The following NCKAP1L variants were observed in gnomAD, a reference collection of about 807,000 sequenced individuals.
NCKAP1L encodes NCK associated protein 1 like.
A neutral mutation model predicts 139.2 loss-of-function variants in NCKAP1L; 53 were observed. The observed-to-expected ratio is 0.38, with a 90% CI of 0.31 to 0.48. The LOEUF (loss-of-function observed/expected upper bound fraction) is 0.48. Among genes scored for constraint, NCKAP1L ranks in the 20% least tolerant of loss-of-function variants. The pLI, the probability that NCKAP1L is intolerant of heterozygous loss-of-function variation, is 0.98. For missense variants in NCKAP1L, 1,151 were observed against 1,381.9 expected (o/e 0.83, Z 2.65); for synonymous variants, 468 against 499.7 (o/e 0.94, Z 0.85).
intron 7 of NCKAP1L, 51 bp downstream of exon 7, chr12:54,510,036 A>T: frequency 6.2e-7 from 1 of 1,606,704 alleles, no homozygotes; most frequent in Non-Finnish European, 8.5e-7. Flanking sequence ...TGCCAAGGCC[A>T]TCATCTCTGT....
intron 13 of NCKAP1L, 89 bp from the exon 14 acceptor site, chr12:54,518,562 A>G: frequency 1.0e-6 from 1 of 1,001,874 alleles, no homozygotes; most frequent in Non-Finnish European, 1.6e-6. Context: ...AATTCTTTCT[A>G]CCTTCATACG....
chr12:54,500,690 G>A (rs1565671043), intron 3 of NCKAP1L, 65 bp downstream of exon 3: 2 of 1,024,810 alleles, frequency 2.0e-6, no homozygotes, highest in Non-Finnish European at 3.1e-6. Flanking sequence ...TTCTTTAGAT[G>A]TTCATGTATT....
At chr12:54,517,173 A>G (rs1452017104) in intron 11 of NCKAP1L, among the ~76,000 whole-genome samples, 181 bp downstream of exon 11, 1 of 152,190 alleles carries the variant, frequency 6.6e-6, no homozygotes, top group Non-Finnish European at 1.5e-5. Context: ...TTTTGGCACT[A>G]TACGTAGTAT....
intron 25 of NCKAP1L, 80 bp from the exon 26 acceptor site, chr12:54,532,087 CTTT>C (rs35753004): frequency 0.015 from 12,724 of 872,764 alleles, 3 homozygotes; most frequent in Middle Eastern, 0.022. Flanking sequence ...AGTGCCCCTC[CTTT>C]TTTTTTTTTT....
At chr12:54,512,266 A>G (rs1365859213) in intron 9 of NCKAP1L, 161 bp downstream of exon 9, 4 of 696,160 alleles carry the variant, frequency 5.7e-6, no homozygotes, top group Non-Finnish European at 9.1e-6. Context: ...TAAGTGCTTC[A>G]CTGGGTTTTA....
chr12:54,501,733 T>C (rs1298633853), intron 3 of NCKAP1L, among the ~76,000 whole-genome samples: 2 of 152,166 alleles, frequency 1.3e-5, no homozygotes, highest in Non-Finnish European at 2.9e-5. Context: ...CTCAAACTCC[T>C]GGGCTCAAGC....
rs746037150 is a variant in NCKAP1L at position 54,538,983 on chromosome 12, T to G, written c.3273+10T>G. On this transcript the variant is annotated intron_variant, in intron 30 of 30. Coordinates refer to ENST00000293373, the MANE Select transcript of NCKAP1L (RefSeq NM_005337.5). ...TCTGCTCATGCGCTTGGTAAGTACC[T>G]TATTTAAATTGGTGTGAGAATAGGG... 6.8e-6 allele frequency: 11 copies of G among 1,611,050 alleles called. No homozygotes were observed. Among genetic ancestry groups the G allele is most frequent in the Non-Finnish European group, 9.3e-6 (11 of 1,177,462 alleles).
At chr12:54,500,721 A>G (rs1056920016) in intron 3 of NCKAP1L, 96 bp downstream of exon 3, 1 of 814,566 alleles carries the variant, frequency 1.2e-6, no homozygotes, top group African/African-American at 1.7e-5. Flanking sequence ...AAGTTCTTGA[A>G]AAAATGAGAG....
At position 54,512,105 on chromosome 12, in the gene NCKAP1L, G is replaced by A. The variant is rs1956893782; in HGVS notation, c.941G>A (p.Gly314Glu). ...VTEDLFSSLK[G>E]YGKRVADIKE... ...GAGGACCTGTTTAGCAGTTTGAAAG[G>A]GTGAGAGACACGAGAGCCAAACTGA... The change falls in exon 9 of 31, where the codon GGG (glycine) becomes GAG (glutamate). Residue 314 changes from glycine to glutamate, a missense_variant and splice_region_variant. By Grantham distance (98) the Gly-to-Glu change is moderately conservative. Coordinates refer to ENST00000293373, the MANE Select transcript of NCKAP1L (RefSeq NM_005337.5). The A allele has an allele frequency of 1.2e-6, 2 of 1,613,544 alleles. No homozygotes were observed. Among genetic ancestry groups the A allele is most frequent in the Non-Finnish European group, 1.7e-6 (2 of 1,179,838 alleles).
chr12:54,538,328 C>G (rs1440870833), intron 29 of NCKAP1L, among the ~76,000 whole-genome samples: 1 of 152,214 alleles, frequency 6.6e-6, no homozygotes, highest in South Asian at 2.1e-4. Flanking sequence ...GAATCCCCCA[C>G]CCTTGCCTTC....
chr12:54,498,038 C>G lies in NCKAP1L; in HGVS notation c.102+147C>G, dbSNP rs7970448. On this transcript the variant is annotated intron_variant, in intron 1 of 30. Transcript: ENST00000293373. ...AATCTACATAATCACTCAGATTATACAGGCCAGCCAGTTCAGGAAGGCAGA... is the reference window on the plus strand; with the variant it reads ...AATCTACATAATCACTCAGATTATAGAGGCCAGCCAGTTCAGGAAGGCAGA... 1.2e-5 allele frequency: 7 copies of G among 560,200 alleles called. No individual in the cohort carries two copies. In the South Asian group the frequency reaches 1.6e-4, roughly 13 times the overall value. The allele number at this position is 560,200 out of a possible 1,614,324, so 34.7% of individuals were successfully genotyped here.
intron 20 of NCKAP1L, among the ~76,000 whole-genome samples, chr12:54,525,903 G>A (rs1957022134): frequency 6.6e-6 from 1 of 152,096 alleles, no homozygotes; most frequent in South Asian, 2.1e-4. Context: ...AGGAGTTGGG[G>A]GTCCAGTGGT....
intron 18 of NCKAP1L, among the ~76,000 whole-genome samples, chr12:54,522,467 T>C (rs1414914748): frequency 2.0e-5 from 3 of 152,258 alleles, no homozygotes; most frequent in Non-Finnish European, 2.9e-5. Context: ...TTTCTAAAGT[T>C]AACATTCTGA....
chr12:54,542,568 C>G lies in NCKAP1L; in HGVS notation c.3274-7C>G. 1 of 1,606,910 alleles carries G rather than the reference C, an allele frequency of 6.2e-7. No homozygotes were observed. The highest frequency in any genetic ancestry group is 1.1e-5 in the South Asian group (1 of 90,944). On this transcript the variant is annotated splice_polypyrimidine_tract_variant and splice_region_variant and intron_variant, in intron 30 of 30. Transcript: ENST00000293373. ...AGGTTCTCATCTCTTGGCCCCATCT[C>G]TTTCAGGTGGTGGAGGAGTCATCCT... is the stretch of plus-strand genomic sequence containing the variant.
rs527270306 is a variant in NCKAP1L at position 54,531,239 on chromosome 12, G to T, written c.2507-21G>T. ...CAGTGCCTTCTGAGTCCCATCTGGG[G>T]CCTCTGTAACTCTGTTCCAGAGATG... On this transcript the variant is annotated intron_variant, in intron 22 of 30. Coordinates refer to ENST00000293373, the MANE Select transcript of NCKAP1L (RefSeq NM_005337.5). The T allele has an allele frequency of 2.5e-6, 4 of 1,592,312 alleles. No homozygotes were observed. In the African/African-American group the frequency reaches 5.4e-5, roughly 21 times the overall value.
At chr12:54,506,794 A>ATATATATATATATATATAT (rs1468649208) in intron 3 of NCKAP1L, among the ~76,000 whole-genome samples, 28 of 23,732 alleles carry the variant, frequency 1.2e-3, no homozygotes, top group South Asian at 9.0e-3. Flanking sequence ...TTAAAAAAAA[A>ATATATATATATATATATAT]AAATATATAT....
At chr12:54,522,882 A>T (rs567868157) in intron 18 of NCKAP1L, among the ~76,000 whole-genome samples, 3 of 152,334 alleles carry the variant, frequency 2.0e-5, no homozygotes, top group Non-Finnish European at 4.4e-5. Context: ...CTACTTAAAA[A>T]AAAAGTGGAA....
At chr12:54,513,706 G>T (rs1243546511) in intron 9 of NCKAP1L, among the ~76,000 whole-genome samples, 2 of 152,164 alleles carry the variant, frequency 1.3e-5, no homozygotes, top group African/African-American at 2.4e-5. Flanking sequence ...TGAACAATTT[G>T]AGTGGTGAAG....
intron 29 of NCKAP1L, 90 bp from the exon 30 acceptor site, chr12:54,538,794 T>C: frequency 2.1e-6 from 2 of 963,342 alleles, no homozygotes; most frequent in African/African-American, 1.6e-5. Flanking sequence ...TTCTTAACTC[T>C]CTCCTTGATC....
Sources: gnomAD v4.1 joint callset for allele counts (sites outside exome capture counted in the v4.1 genomes callset) on GRCh38, gnomAD v4.1.1 for gene constraint, MANE v1.5 for transcripts, NCBI Gene and HGNC (gene_info 2026-07-23, HGNC 2026-07-21) for gene names.